CFTR: variants seen among roughly 807,000 people sequenced by gnomAD.
CFTR encodes CF transmembrane conductance regulator.
A neutral mutation model predicts 171.6 loss-of-function variants in CFTR; 181 were observed. That is an observed-to-expected ratio of 1.05 (90% CI 0.93 to 1.19). The LOEUF (loss-of-function observed/expected upper bound fraction) is 1.19. Among genes scored for constraint, CFTR ranks in the 50% most tolerant of loss-of-function variants. The probability of loss-of-function intolerance (pLI) is 0.00; values close to 1 mark genes in which losing one functional copy is unlikely to be tolerated. For missense variants in CFTR, 1,968 were observed against 1,734.7 expected, an observed-to-expected ratio of 1.13 and a Z score of -2.39; for synonymous variants, 583 against 608.0, an observed-to-expected ratio of 0.96 and a Z score of 0.60.
chr7:117,547,855 G>A (rs184375282), intron 9 of CFTR, among the ~76,000 whole-genome samples: 1 of 152,266 alleles, frequency 6.6e-6, no homozygotes, highest in East Asian at 1.9e-4. Flanking sequence ...AAGTAGGTCA[G>A]GAGAAATGAT....
At chr7:117,663,913 T>C (rs972589768) in intron 24 of CFTR, among the ~76,000 whole-genome samples, 2 of 152,178 alleles carry the variant, frequency 1.3e-5, no homozygotes, top group Admixed American at 6.5e-5. Context: ...TGGGTTTCTA[T>C]ATCTCATTTG....
chr7:117,574,911 A>G (rs960397880), intron 11 of CFTR, among the ~76,000 whole-genome samples: 1 of 152,068 alleles, frequency 6.6e-6, no homozygotes, highest in South Asian at 2.1e-4. Flanking sequence ...AGATCTAGCT[A>G]TGCTGCTGGT....
intron 10 of CFTR, among the ~76,000 whole-genome samples, chr7:117,550,133 T>G (rs1799243633): frequency 6.6e-6 from 1 of 151,986 alleles, no homozygotes; most frequent in Admixed American, 6.6e-5. Context: ...TCCAGGAGTT[T>G]GAGACCAGCG....
At chr7:117,528,147 G>A (rs1798793719) in intron 3 of CFTR, among the ~76,000 whole-genome samples, 1 of 126,630 alleles carries the variant, frequency 7.9e-6, no homozygotes, top group African/African-American at 2.9e-5. Flanking sequence ...AAACAGCATG[G>A]TACTGGTACC....
intron 11 of CFTR, among the ~76,000 whole-genome samples, chr7:117,573,472 GT>G (rs1294684367): frequency 6.6e-6 from 1 of 152,084 alleles, no homozygotes; most frequent in Non-Finnish European, 1.5e-5. Flanking sequence ...CAAAAAACAA[GT>G]ATCTAGATGA....
At chr7:117,520,310 T>A (rs560303562) in intron 3 of CFTR, among the ~76,000 whole-genome samples, 5 of 151,248 alleles carry the variant, frequency 3.3e-5, no homozygotes, top group Admixed American at 6.6e-5. Context: ...TTTTTGAAAA[T>A]TTTGCTGGCA....
chr7:117,548,424 G>T (rs1799199801), intron 9 of CFTR, among the ~76,000 whole-genome samples: 1 of 148,078 alleles, frequency 6.8e-6, no homozygotes, highest in Admixed American at 6.8e-5. Flanking sequence ...TCTTTAACTT[G>T]ATAATGGGCA....
chr7:117,642,607 C>G lies in CFTR; in HGVS notation c.3873+14C>G. 1 of 1,612,808 alleles carries G rather than the reference C, an allele frequency of 6.2e-7. No individual in the cohort carries two copies. Reference sequence around the variant, plus strand: ...GTGATACCACAGGTGAGCAAAAGGACTTAGCCAGAAAAAAGGCAACTAAAT... The same window carrying G: ...GTGATACCACAGGTGAGCAAAAGGAGTTAGCCAGAAAAAAGGCAACTAAAT... On this transcript the variant is annotated intron_variant, in intron 23 of 26. Transcript: ENST00000003084.
chr7:117,569,748 A>G (rs1454721357), intron 11 of CFTR, among the ~76,000 whole-genome samples: 2 of 152,162 alleles, frequency 1.3e-5, no homozygotes, highest in African/African-American at 4.8e-5. Context: ...AGTAGGATGA[A>G]AACAGGTAAT....
Position 117,667,098 on chromosome 7 carries a change from C to A in CFTR, c.4433C>A (p.Thr1478Lys). The change falls in exon 27 of 27, where the codon ACA becomes AAA. Residue 1478 changes from threonine (T) to lysine (K), a missense_variant. Coordinates refer to ENST00000003084, the MANE Select transcript of CFTR (RefSeq NM_000492.4). ...GAGACAGAAGAAGAGGTGCAAGATA[C>A]AAGGCTTTAGAGAGCAGCATAAATG... The part of the protein sequence containing the change: ...KEETEEEVQD[T>K]RL 6.2e-7 allele frequency: 1 copy of A among 1,613,762 alleles called. No individual in the cohort carries two copies. Among genetic ancestry groups the A allele is most frequent in the Non-Finnish European group, 8.5e-7 (1 of 1,179,818 alleles).
At chr7:117,529,686 G>C (rs1407794010) in intron 3 of CFTR, among the ~76,000 whole-genome samples, 5 of 152,090 alleles carry the variant, frequency 3.3e-5, no homozygotes, top group South Asian at 2.1e-4. Context: ...TGACATTGAT[G>C]TAGAAAGCAT....
At chr7:117,517,034 C>CATGTTCTATATATAG (rs1472510142) in intron 3 of CFTR, among the ~76,000 whole-genome samples, 1 of 151,920 alleles carries the variant, frequency 6.6e-6, no homozygotes, top group African/African-American at 2.4e-5. Context: ...TAGGTATCAA[C>CATGTTCTATATATAG]AACTCTATAA....
chr7:117,513,137 C>A (rs1180328638), intron 3 of CFTR, among the ~76,000 whole-genome samples: 1 of 152,074 alleles, frequency 6.6e-6, no homozygotes, highest in Non-Finnish European at 1.5e-5. Context: ...AGAGGAAAAG[C>A]ACATAAATGT....
chr7:117,612,817 T>G (rs953295538), intron 20 of CFTR, among the ~76,000 whole-genome samples: 8 of 152,132 alleles, frequency 5.3e-5, no homozygotes, highest in African/African-American at 1.9e-4. Flanking sequence ...CATTCCTTTT[T>G]GTGGTTGCTT....
Position 117,597,161 on chromosome 7 carries a change from C to T in CFTR, c.2619+2103C>T, listed in dbSNP as rs892154892. 6.6e-5 allele frequency among the ~76,000 whole-genome samples: 10 copies of T among 152,092 alleles called. 1 individual carries two copies. Among genetic ancestry groups the T allele is most frequent in the South Asian group, 4.1e-4 (2 of 4,832 alleles). ...TTTGCTACTGCTCACTTTTTGGGTC[C>T]GCATTGCGTTTATGAGCTGTGACAC... On this transcript the variant is annotated intron_variant, in intron 15 of 26. Coordinates refer to ENST00000003084, the MANE Select transcript of CFTR (RefSeq NM_000492.4).
chr7:117,489,133 CCTAAGCTCAGCA>C (rs1798118260), intron 1 of CFTR, among the ~76,000 whole-genome samples: 1 of 152,026 alleles, frequency 6.6e-6, no homozygotes, highest in African/African-American at 2.4e-5. Context: ...GTAGAAGTCG[CCTAAGCTCAGCA>C]CTTTATTATG....
In CFTR at chr7:117,610,668, AG is replaced by A. The variant is rs780546355; in HGVS notation, c.3139+1del. The A allele has an allele frequency of 6.2e-7, 1 of 1,613,274 alleles. No homozygotes were observed. Among genetic ancestry groups the A allele is most frequent in the Admixed American group, 1.7e-5 (1 of 59,950 alleles). ...AGCAACTCAAACAACTGGAATCTGAAGGTATGACAGTGAATGTGCGATACTC... is the reference window on the plus strand; with the variant it reads ...AGCAACTCAAACAACTGGAATCTGAAGTATGACAGTGAATGTGCGATACTC... ...SQQLKQLESE[G>X]RSPIFTHLVT... On this transcript the variant is annotated frameshift_variant and splice_region_variant, in exon 19 of 27. Coordinates refer to ENST00000003084, the MANE Select transcript of CFTR (RefSeq NM_000492.4). LOFTEE classifies it high-confidence loss of function.
rs554773508 is a variant in CFTR, at chr7:117,627,506, G to T, written c.3469-16G>T. On this transcript the variant is annotated splice_polypyrimidine_tract_variant and intron_variant, in intron 21 of 26. Coordinates refer to ENST00000003084, the MANE Select transcript of CFTR (RefSeq NM_000492.4). ...TGCCATTCTTAAAAACAAAAATGTT[G>T]TTATTTTTATTTCAGATGCGATCTG... The T allele has an allele frequency of 6.2e-7, 1 of 1,612,376 alleles. No homozygotes were observed. Among genetic ancestry groups the T allele is most frequent in the East Asian group, 2.2e-5 (1 of 44,768 alleles).
intron 9 of CFTR, among the ~76,000 whole-genome samples, chr7:117,544,564 T>G (rs891520090): frequency 2.0e-5 from 3 of 152,236 alleles, no homozygotes; most frequent in African/African-American, 7.2e-5. Flanking sequence ...AGATGTATAC[T>G]TCTTCTTACC....
Sources: allele counts gnomAD v4.1 joint callset (sites outside exome capture counted in the v4.1 genomes callset), GRCh38; gene constraint gnomAD v4.1.1; transcripts MANE v1.5; gene names NCBI Gene and HGNC (gene_info 2026-07-23, HGNC 2026-07-21).